ABCC4: variants seen among roughly 807,000 people sequenced by gnomAD.
The protein encoded by ABCC4 is ATP binding cassette subfamily C member 4 (PEL blood group).
Under a neutral mutation model 168.5 loss-of-function variants are expected in ABCC4, and 102 were observed. That is an observed-to-expected ratio of 0.61 (90% CI 0.52 to 0.71). ABCC4 has a LOEUF of 0.71. Among genes scored for constraint, ABCC4 ranks in the 30% least tolerant of loss-of-function variants. The pLI is 0.00. For synonymous variants in ABCC4, 617 were observed against 590.7 expected, an observed-to-expected ratio of 1.04 and a Z score of -0.65; for missense variants, 1,402 against 1,605.8, an observed-to-expected ratio of 0.87 and a Z score of 2.17.
intron 1 of ABCC4, among the ~76,000 whole-genome samples, chr13:95,291,949 AAAT>A (rs142861031): frequency 2.0e-5 from 3 of 151,688 alleles, no homozygotes; most frequent in Non-Finnish European, 1.5e-5. Flanking sequence ...CCATTTAAAG[AAAT>A]AATAATAATA....
chr13:95,094,157 T>C (rs1262308892), intron 20 of ABCC4, among the ~76,000 whole-genome samples: 1 of 150,918 alleles, frequency 6.6e-6, no homozygotes, highest in Non-Finnish European at 1.5e-5. Context: ...ACCATCATTC[T>C]GCACAGAATT....
chr13:95,048,706 A>G (rs1044806108), intron 27 of ABCC4, among the ~76,000 whole-genome samples: 4 of 152,230 alleles, frequency 2.6e-5, no homozygotes, highest in Non-Finnish European at 5.9e-5. Flanking sequence ...CTTGTATTCT[A>G]ACAGCAATTC....
intron 11 of ABCC4, among the ~76,000 whole-genome samples, chr13:95,181,587 C>A (rs1594248575): frequency 6.6e-6 from 1 of 152,234 alleles, no homozygotes; most frequent in African/African-American, 2.4e-5. Context: ...TCTTGCTCCA[C>A]AGGTCAGCTC....
chr13:95,088,028 C>A (rs982522236), intron 20 of ABCC4, among the ~76,000 whole-genome samples: 1 of 152,190 alleles, frequency 6.6e-6, no homozygotes, highest in Non-Finnish European at 1.5e-5. Context: ...ATATGCTAAT[C>A]TGATCTTTTG....
intron 4 of ABCC4, among the ~76,000 whole-genome samples, chr13:95,224,377 GA>G (rs940935638): frequency 1.9e-3 from 285 of 146,714 alleles, no homozygotes; most frequent in South Asian, 5.8e-3. Context: ...TGCTTCAAAA[GA>G]AAAAAAAAAA....
chr13:95,209,847 T>A (rs2038902991), intron 5 of ABCC4, among the ~76,000 whole-genome samples: 1 of 152,240 alleles, frequency 6.6e-6, no homozygotes, highest in Admixed American at 6.5e-5. Flanking sequence ...GTCTTGATCG[T>A]GACTATCTTC....
In ABCC4 at chr13:95,244,661, G is replaced by GAAAT. The variant is rs148848336; in HGVS notation, c.306+2313_306+2314insATTT. Among the ~76,000 whole-genome samples the GAAAT allele has an allele frequency of 8.5e-4, 16 of 18,744 alleles. 2 individuals are homozygous for GAAAT. Among genetic ancestry groups the GAAAT allele is most frequent in the African/African-American group, 4.0e-3 (16 of 3,970 alleles). 12.3% of individuals were successfully genotyped at this position (18,744 alleles called of 152,430 possible). On this transcript the variant is annotated intron_variant, in intron 3 of 30. Transcript: ENST00000645237. The stretch of plus-strand genomic sequence containing the variant: ...AGAAAGAAAGAAAGAAAGAAAGAAA[G>GAAAT]AAAGAAAGAAATCATAGCAGTTCCT...
At chr13:95,224,259 T>C (rs1395482921) in intron 4 of ABCC4, among the ~76,000 whole-genome samples, 1 of 149,722 alleles carries the variant, frequency 6.7e-6, no homozygotes, top group Non-Finnish European at 1.5e-5. Context: ...AAATGATGGC[T>C]AACAACTTAT....
rs151331237 is a variant in ABCC4, at chr13:95,212,742, C to T, written c.532-1961G>A. On this transcript the variant is annotated intron_variant, in intron 4 of 30. Coordinates refer to ENST00000645237, the MANE Select transcript of ABCC4 (RefSeq NM_005845.5). The stretch of plus-strand genomic sequence containing the variant: ...TTAACCCAAGTGAACGATAACTCTA[C>T]AGTCAACACAGAAATTAAGGGCCTG... Among the ~76,000 whole-genome samples, 445 of 152,236 alleles carry T rather than the reference C, an allele frequency of 2.9e-3. 6 individuals are homozygous for T. The highest frequency in any genetic ancestry group is 0.01 in the African/African-American group (432 of 41,516).
chr13:95,296,177 CACACACAAAAA>C (rs2041530233), intron 1 of ABCC4, among the ~76,000 whole-genome samples: 1 of 69,764 alleles, frequency 1.4e-5, no homozygotes, highest in Non-Finnish European at 3.1e-5. Flanking sequence ...CACACACACA[CACACACAAAAA>C]CACAAAATTA....
rs752148310 is a variant in ABCC4 at position 95,301,279 on chromosome 13, C to T, written c.36G>A (p.Pro12=). 5 of 1,594,886 alleles carry T rather than the reference C, an allele frequency of 3.1e-6. No individual in the cohort carries two copies. The highest frequency in any genetic ancestry group is 2.3e-5 in the South Asian group (2 of 88,610). ...GTGAGCAGAGGTTCGCGTCCTGCAG[C>T]GGGTTGGGCTTCACCTCCTGGTACA... ...LPVYQEVKPN[P]LQDANLCSRV... is the part of the protein sequence containing the mutation. The change falls in exon 1 of 31, where the codon CCG becomes CCA. Residue 12 remains proline (P), a synonymous_variant. Transcript: ENST00000645237.
intron 1 of ABCC4, chr13:95,269,440 T>G (rs2389230): frequency 1.2e-5 from 1 of 81,772 alleles, no homozygotes; most frequent in Admixed American, 1.1e-4. Flanking sequence ...AAAAAATATA[T>G]ATATATATAT....
chr13:95,256,472 T>C (rs1169360659), intron 1 of ABCC4, among the ~76,000 whole-genome samples: 1 of 152,198 alleles, frequency 6.6e-6, no homozygotes, highest in African/African-American at 2.4e-5. Context: ...AATCAGGCCA[T>C]TGGCCGGGGA....
intron 25 of ABCC4, 71 bp from the exon 26 acceptor site, chr13:95,062,930 G>GA (rs2033359113): frequency 6.5e-7 from 1 of 1,533,126 alleles, no homozygotes; most frequent in East Asian, 2.3e-5. Flanking sequence ...AAAACTAGGA[G>GA]AAAACTTTCG....
intron 1 of ABCC4, among the ~76,000 whole-genome samples, chr13:95,248,994 C>A (rs772984332): frequency 6.6e-6 from 1 of 152,022 alleles, no homozygotes; most frequent in Non-Finnish European, 1.5e-5. Context: ...GAGCTGAGAT[C>A]GATGCCACTG....
At chr13:95,051,800 G>A (rs1436771584) in intron 27 of ABCC4, among the ~76,000 whole-genome samples, 1 of 151,690 alleles carries the variant, frequency 6.6e-6, no homozygotes, top group East Asian at 1.9e-4. Flanking sequence ...CTGAGTAGCT[G>A]GGGCTACAGA....
In ABCC4 at chr13:95,071,795, TC is replaced by T; in HGVS notation, c.3076del (p.Glu1026AsnfsTer15). 1 of 1,604,420 alleles carries T rather than the reference TC, an allele frequency of 6.2e-7. No individual in the cohort carries two copies. Among genetic ancestry groups the T allele is most frequent in the South Asian group, 1.1e-5 (1 of 88,868 alleles). On this transcript the variant is annotated frameshift_variant, in exon 25 of 31. Coordinates refer to ENST00000645237, the MANE Select transcript of ABCC4 (RefSeq NM_005845.5). LOFTEE classifies it high-confidence loss of function. Reference sequence around the variant, plus strand: ...GGCTGGTGGTGGGCGTTTCTGATATTCCCAAGGTGCTTCTTTTTCAAGGTCT... The same window carrying T: ...GGCTGGTGGTGGGCGTTTCTGATATTCCAAGGTGCTTCTTTTTCAAGGTCT... Reference protein sequence around the residue: ...YTDLEKEAPWEYQKRPPPAWP... With the variant: ...YTDLEKEAPWXYQKRPPPAWP...
chr13:95,266,338 G>A (rs1019110504), intron 1 of ABCC4: 1 of 152,374 alleles, frequency 6.6e-6, no homozygotes, highest in African/African-American at 2.4e-5. Context: ...CACAAGCCAA[G>A]GACACTAAGG....
chr13:95,075,503 C>T lies in ABCC4; in HGVS notation c.2735G>A (p.Trp912Ter), dbSNP rs1163159139. The T allele has an allele frequency of 1.2e-6, 2 of 1,614,068 alleles. No homozygotes were observed. Among genetic ancestry groups the T allele is most frequent in the Non-Finnish European group, 1.7e-6 (2 of 1,179,990 alleles). Reference protein sequence around the residue: ...SHLSSSLQGLWTIRAYKAEER... With the variant: ...SHLSSSLQGL ...TTCTGCTTTGTATGCCCGGATGGTC[C>T]AGAGCCCCTGGAGAGAAGATGATAA... Residue 912 changes from tryptophan to a stop codon, truncating the protein, a stop_gained, in exon 22 of 31, where the codon TGG becomes TAG. Transcript: ENST00000645237. LOFTEE classifies it high-confidence loss of function.
Sources: gnomAD v4.1 joint callset for allele counts (sites outside exome capture counted in the v4.1 genomes callset) on GRCh38, gnomAD v4.1.1 for gene constraint, MANE v1.5 for transcripts, NCBI Gene and HGNC (gene_info 2026-07-23, HGNC 2026-07-21) for gene names.